The following ABCG8 variants were observed in gnomAD, a reference collection of about 807,000 sequenced individuals.
ABCG8 encodes the protein ATP-binding cassette sub-family G member 8.
ABCG8 carries 81 observed loss-of-function variants against 71.3 expected under a neutral mutation model. The ratio of observed to expected loss-of-function variants is 1.14; its 90% CI spans 0.95 to 1.37. The LOEUF (loss-of-function observed/expected upper bound fraction) is 1.37. Among genes scored for constraint, ABCG8 ranks in the 40% most tolerant of loss-of-function variants. The pLI is 0.00. For missense variants in ABCG8, 1,119 were observed against 866.2 expected, an observed-to-expected ratio of 1.29 and a Z score of -3.66; for synonymous variants, 451 against 354.7, an observed-to-expected ratio of 1.27 and a Z score of -3.05.
rs550513782 is a variant in ABCG8 at position 43,843,947 on chromosome 2, G to A, written c.64-560G>A. Among the ~76,000 whole-genome samples the A allele has an allele frequency of 5.5e-4, 84 of 152,292 alleles. 1 individual carries two copies. In the South Asian group the frequency reaches 0.017, roughly 32 times the overall value. Reference sequence around the variant, plus strand: ...TCTTCATCAAAATCAGATATGAGGAGAAGTATGCCAGATGTTAGTGAGGAC... The same window carrying A: ...TCTTCATCAAAATCAGATATGAGGAAAAGTATGCCAGATGTTAGTGAGGAC... On this transcript the variant is annotated intron_variant, in intron 1 of 12. Coordinates refer to ENST00000272286, the MANE Select transcript of ABCG8 (RefSeq NM_022437.3).
chr2:43,874,434 A>G lies in ABCG8; in HGVS notation c.1439A>G (p.Tyr480Cys), dbSNP rs753377159. The G allele has an allele frequency of 4.3e-6, 7 of 1,613,654 alleles. No homozygotes were observed. The highest frequency in any genetic ancestry group is 1.3e-5 in the African/African-American group (1 of 74,870). ...TACTCAGAGAGGGCAATGCTTTACT[A>G]TGAACTGGAAGACGGGCTGTACACC... Reference protein sequence around the residue: ...KCYSERAMLYYELEDGLYTTG... With the variant: ...KCYSERAMLYCELEDGLYTTG... The change falls in exon 10 of 13, where the codon TAT becomes TGT. Residue 480 changes from tyrosine to cysteine, a missense_variant. Physicochemically the swap from Tyr to Cys is radical, Grantham distance 194. Coordinates refer to ENST00000272286, the MANE Select transcript of ABCG8 (RefSeq NM_022437.3).
intron 6 of ABCG8, among the ~76,000 whole-genome samples, chr2:43,853,919 A>G (rs1572837777): frequency 6.6e-6 from 1 of 152,222 alleles, no homozygotes; most frequent in East Asian, 1.9e-4. Context: ...CTGTACTCAC[A>G]TTCTGCATGA....
At chr2:43,848,380 G>T (rs1668811068) in intron 3 of ABCG8, 1 of 152,192 alleles carries the variant, frequency 6.6e-6, no homozygotes, top group South Asian at 2.1e-4. Flanking sequence ...GGTATGGACA[G>T]GAGCTCATCA....
chr2:43,875,416 A>G lies in ABCG8; in HGVS notation c.1756+3A>G, dbSNP rs772969005. ...AAACTTGAGCAGCCTGTGGACAGGT[A>G]AGGCCTGCCCCCGGGGCCTGGGCCA... is the stretch of plus-strand genomic sequence containing the variant. On this transcript the variant is annotated splice_donor_region_variant and intron_variant, in intron 11 of 12. Coordinates refer to ENST00000272286, the MANE Select transcript of ABCG8 (RefSeq NM_022437.3). The G allele has an allele frequency of 6.2e-7, 1 of 1,612,670 alleles. No individual in the cohort carries two copies. The highest frequency in any genetic ancestry group is 8.5e-7 in the Non-Finnish European group (1 of 1,179,030).
intron 6 of ABCG8, among the ~76,000 whole-genome samples, chr2:43,864,020 A>G (rs747148094): frequency 6.6e-6 from 1 of 151,196 alleles, no homozygotes. Flanking sequence ...AACTCTCACT[A>G]TCTGGATAGA....
intron 3 of ABCG8, 42 bp from the exon 4 acceptor site, chr2:43,851,542 A>G (rs1558807918): frequency 3.7e-6 from 6 of 1,609,610 alleles, no homozygotes; most frequent in Middle Eastern, 1.7e-4. Context: ...CCTGGCCCCC[A>G]CAGAAGCTCC....
At chr2:43,868,676 A>G (rs1669630517) in intron 6 of ABCG8, among the ~76,000 whole-genome samples, 1 of 152,142 alleles carries the variant, frequency 6.6e-6, no homozygotes, top group Non-Finnish European at 1.5e-5. Flanking sequence ...CACTCTCTGG[A>G]TACTACTCTC....
intron 3 of ABCG8, among the ~76,000 whole-genome samples, chr2:43,850,613 C>G (rs991882313): frequency 6.6e-6 from 1 of 152,202 alleles, no homozygotes; most frequent in African/African-American, 2.4e-5. Flanking sequence ...ATCCTCCACC[C>G]TCAGTTAGGT....
At chr2:43,873,652 C>G (rs1008675576) in intron 8 of ABCG8, 135 bp from the exon 9 acceptor site, 74 of 824,678 alleles carry the variant, frequency 9.0e-5, no homozygotes, top group Non-Finnish European at 1.9e-5. Context: ...ATCCTCAGAG[C>G]CACTCTATGA....
chr2:43,877,511 C>G (rs755769518), intron 11 of ABCG8, 50 bp from the exon 12 acceptor site: 3 of 1,611,814 alleles, frequency 1.9e-6, no homozygotes, highest in East Asian at 2.2e-5. Flanking sequence ...TATGGGGAAA[C>G]CATGAGAATA....
chr2:43,848,663 CCT>C (rs1668818772), intron 3 of ABCG8: 1 of 152,112 alleles, frequency 6.6e-6, no homozygotes, highest in African/African-American at 2.4e-5. Flanking sequence ...CTGCCATCCC[CCT>C]CTCCCCCTGC....
At chr2:43,863,359 A>G (rs374793851) in intron 6 of ABCG8, among the ~76,000 whole-genome samples, 2 of 150,914 alleles carry the variant, frequency 1.3e-5, no homozygotes, top group Non-Finnish European at 3.0e-5. Flanking sequence ...AACTCTCACT[A>G]TCTGCATAGA....
At chr2:43,859,616 G>A (rs1472892691) in intron 6 of ABCG8, among the ~76,000 whole-genome samples, 3 of 150,966 alleles carry the variant, frequency 2.0e-5, no homozygotes, top group Non-Finnish European at 4.5e-5. Context: ...TCACCCTCTG[G>A]ATAGAACTCT....
chr2:43,870,834 C>T (rs973490943), intron 6 of ABCG8, among the ~76,000 whole-genome samples: 1 of 151,578 alleles, frequency 6.6e-6, no homozygotes, highest in Non-Finnish European at 1.5e-5. Context: ...CTGGATAGAA[C>T]TCTCACTGTC....
intron 8 of ABCG8, 31 bp downstream of exon 8, chr2:43,872,337 G>GC (rs780503856): frequency 1.6e-5 from 25 of 1,592,586 alleles, no homozygotes; most frequent in Non-Finnish European, 2.1e-5. Context: ...TACTGAACCC[G>GC]CCCCCCTGCC....
In ABCG8 at chr2:43,855,887, T is replaced by C. The variant is rs932837645; in HGVS notation, c.964+3019T>C. Among the ~76,000 whole-genome samples the C allele has an allele frequency of 8.5e-5, 13 of 152,288 alleles. No homozygotes were observed. In the East Asian group the frequency reaches 2.1e-3, roughly 25 times the overall value. On this transcript the variant is annotated intron_variant, in intron 6 of 12. Transcript: ENST00000272286. ...CTCACTGTATAGAACTCTCACTATC[T>C]GTCTGGATAGAATTCTCACCATGTG...
chr2:43,845,139 G>C (rs1041442002), intron 2 of ABCG8, among the ~76,000 whole-genome samples: 3 of 146,962 alleles, frequency 2.0e-5, no homozygotes, highest in African/African-American at 7.5e-5. Context: ...TTTGTAAAAT[G>C]TACTATCCCT....
At chr2:43,870,053 C>G (rs1237038482) in intron 6 of ABCG8, among the ~76,000 whole-genome samples, 1 of 151,498 alleles carries the variant, frequency 6.6e-6, no homozygotes, top group Non-Finnish European at 1.5e-5. Context: ...AATTCTTACT[C>G]TTGATAGAAC....
intron 1 of ABCG8, among the ~76,000 whole-genome samples, chr2:43,842,732 G>A (rs1057022022): frequency 2.2e-4 from 33 of 151,632 alleles, no homozygotes; most frequent in African/African-American, 7.3e-4. Flanking sequence ...ATCTCTCCCC[G>A]CTCCCCAGAG....
Sources: gnomAD v4.1 joint callset for allele counts (sites outside exome capture counted in the v4.1 genomes callset) on GRCh38, gnomAD v4.1.1 for gene constraint, MANE v1.5 for transcripts, NCBI Gene and HGNC (gene_info 2026-07-23, HGNC 2026-07-21) for gene names.